The following OTOA variants were observed in gnomAD, a reference collection of about 807,000 sequenced individuals.
The protein encoded by OTOA is otoancorin.
Under a neutral mutation model 110.8 loss-of-function variants are expected in OTOA, and 70 were observed. The observed-to-expected ratio is 0.63, with a 90% CI of 0.52 to 0.77. OTOA has a LOEUF of 0.77. Ranked by LOEUF, OTOA falls within the 30% of genes least tolerant of loss-of-function variation. The probability of loss-of-function intolerance (pLI) is 0.00; values close to 1 mark genes in which losing one functional copy is unlikely to be tolerated. For synonymous variants in OTOA, 373 were observed against 431.5 expected, an observed-to-expected ratio of 0.86 and a Z score of 1.68; for missense variants, 917 against 1,075.8, an observed-to-expected ratio of 0.85 and a Z score of 2.06.
intron 6 of OTOA, chr16:21,684,416 A>C: frequency 6.6e-7 from 1 of 1,516,744 alleles, no homozygotes; most frequent in Non-Finnish European, 8.9e-7. Context: ...GGGGCGCCAC[A>C]GAGTATGTTC....
chr16:21,665,581 T>C lies in OTOA; in HGVS notation c.-5+1349T>C, dbSNP rs566605549. On this transcript the variant is annotated intron_variant, in intron 1 of 28. Coordinates refer to ENST00000646100, the MANE Select transcript of OTOA (RefSeq NM_144672.4). ...GAGTACGGTAACCCTTCAAGGCTGG[T>C]GGAAAGAGTAAATGGCAGGGAGGAG... Among the ~76,000 whole-genome samples the C allele has an allele frequency of 1.1e-4, 16 of 152,172 alleles. No individual in the cohort carries two copies. The East Asian group carries it at 2.5e-3, about 24-fold the overall frequency.
intron 21 of OTOA, among the ~76,000 whole-genome samples, chr16:21,731,483 C>T (rs112379058): frequency 6.6e-6 from 1 of 152,216 alleles, no homozygotes; most frequent in Admixed American, 6.5e-5. Context: ...CGCATATGTT[C>T]CTTGCTGCCT....
chr16:21,697,687 C>T, intron 9 of OTOA, 88 bp from the exon 10 acceptor site: 2 of 1,210,286 alleles, frequency 1.7e-6, no homozygotes, highest in African/African-American at 1.5e-5. Flanking sequence ...TAGGTCTTGA[C>T]AGCAAAGATG....
At chr16:21,692,613 G>T (rs1192500402) in intron 9 of OTOA, among the ~76,000 whole-genome samples, 1 of 151,792 alleles carries the variant, frequency 6.6e-6, no homozygotes, top group Non-Finnish European at 1.5e-5. Flanking sequence ...ACTTACTCCC[G>T]CTCAACTCTA....
At chr16:21,695,891 A>ATATATATATATTTTTTT (rs569493650) in intron 9 of OTOA, among the ~76,000 whole-genome samples, 4 of 41,904 alleles carry the variant, frequency 9.5e-5, no homozygotes, top group East Asian at 5.9e-4. Flanking sequence ...ATATATATAT[A>ATATATATATATTTTTTT]TTTTTTTTTT....
At chr16:21,685,439 T>C in intron 7 of OTOA, 78 bp downstream of exon 7, 1 of 1,577,832 alleles carries the variant, frequency 6.3e-7, no homozygotes. Flanking sequence ...AAATGGAGCC[T>C]GACTTAGGCC....
chr16:21,708,862 A>C (rs1445659126), intron 12 of OTOA, among the ~76,000 whole-genome samples: 1 of 152,198 alleles, frequency 6.6e-6, no homozygotes, highest in Non-Finnish European at 1.5e-5. Flanking sequence ...TTCCTTACCG[A>C]AAGCAGCTGT....
At chr16:21,738,907 T>C (rs1355384328) in intron 22 of OTOA, among the ~76,000 whole-genome samples, 1 of 150,936 alleles carries the variant, frequency 6.6e-6, no homozygotes, top group East Asian at 2.0e-4. Flanking sequence ...AGTTAGTAAA[T>C]GGCAGTTCTT....
At chr16:21,750,065 A>G (rs1899780849) in intron 24 of OTOA, among the ~76,000 whole-genome samples, 1 of 152,300 alleles carries the variant, frequency 6.6e-6, no homozygotes, top group Admixed American at 6.5e-5. Flanking sequence ...AAAATGAATC[A>G]GCACATGTTT....
intron 22 of OTOA, among the ~76,000 whole-genome samples, chr16:21,736,653 A>C (rs1224812913): frequency 6.6e-6 from 1 of 152,184 alleles, no homozygotes; most frequent in Non-Finnish European, 1.5e-5. Context: ...CAACATGGCG[A>C]AACCCTGTCT....
At chr16:21,691,745 GT>G in intron 9 of OTOA, 58 bp downstream of exon 9, 1 of 1,413,452 alleles carries the variant, frequency 7.1e-7, no homozygotes, top group Non-Finnish European at 1.0e-6. Context: ...TTCAGAAGAG[GT>G]GTTTCATCTC....
intron 7 of OTOA, among the ~76,000 whole-genome samples, chr16:21,686,015 G>T (rs1324292528): frequency 6.6e-6 from 1 of 151,978 alleles, no homozygotes; most frequent in African/African-American, 2.4e-5. Flanking sequence ...CTGGAGGGGA[G>T]ACAAAAAACA....
At chr16:21,731,495 A>C (rs1449605446) in intron 21 of OTOA, among the ~76,000 whole-genome samples, 1 of 152,194 alleles carries the variant, frequency 6.6e-6, no homozygotes, top group African/African-American at 2.4e-5. Flanking sequence ...TTGCTGCCTG[A>C]TTTGTGGGTC....
intron 21 of OTOA, 94 bp downstream of exon 21, chr16:21,731,024 G>C: frequency 1.4e-6 from 1 of 713,994 alleles, no homozygotes; most frequent in Non-Finnish European, 2.5e-6. Context: ...TGCTGTCTAT[G>C]GTTCTGGAAG....
At chr16:21,667,425 C>G (rs1001406238) in intron 1 of OTOA, among the ~76,000 whole-genome samples, 3 of 151,938 alleles carry the variant, frequency 2.0e-5, no homozygotes, top group Non-Finnish European at 2.9e-5. Context: ...GAGGCCGAGG[C>G]GGGCAGATCA....
chr16:21,691,943 T>C (rs1897838763), intron 9 of OTOA, among the ~76,000 whole-genome samples: 1 of 152,204 alleles, frequency 6.6e-6, no homozygotes, highest in East Asian at 1.9e-4. Context: ...AGTTTTTCAG[T>C]GGAATATAAA....
chr16:21,710,078 C>T lies in OTOA; in HGVS notation c.1295C>T (p.Ser432Phe). The T allele has an allele frequency of 6.2e-7, 1 of 1,613,596 alleles. No homozygotes were observed. The highest frequency in any genetic ancestry group is 8.5e-7 in the Non-Finnish European group (1 of 1,179,830). Residue 432 changes from serine to phenylalanine, a missense_variant, in exon 13 of 29, where the codon TCT becomes TTT. This residue lies in a region of OTOA where 840 missense variants were observed against 910.2 expected (regional missense o/e 0.92). Coordinates refer to ENST00000646100, the MANE Select transcript of OTOA (RefSeq NM_144672.4). ...GCCAAGAGCCAGGTCATCATCTTGT[C>T]TGCCAAATACTTGGCCCATGAGAAG... ...GWAKSQVIILSAKYLAHEKVL... is the reference protein window; with the variant it reads ...GWAKSQVIILFAKYLAHEKVL...
Position 21,678,472 on chromosome 16 carries a change from A to G in OTOA, c.-4-39A>G, listed in dbSNP as rs779696569. ...TGTGTGTGTATATATATATATATTAAAAAAACATGAATCACTTCTATGCTT... is the reference window on the plus strand; with the variant it reads ...TGTGTGTGTATATATATATATATTAGAAAAACATGAATCACTTCTATGCTT... On this transcript the variant is annotated intron_variant, in intron 1 of 28. Coordinates refer to ENST00000646100, the MANE Select transcript of OTOA (RefSeq NM_144672.4). The G allele has an allele frequency of 3.7e-6, 5 of 1,349,156 alleles. No homozygotes were observed. In the African/African-American group the frequency reaches 5.9e-5, roughly 16 times the overall value. 83.6% of individuals were successfully genotyped at this position (1,349,156 alleles called of 1,614,324 possible).
chr16:21,755,523 A>T lies in OTOA; in HGVS notation c.3154-1559A>T, dbSNP rs1368534208. On this transcript the variant is annotated intron_variant, in intron 27 of 28. Transcript: ENST00000646100. ...AGGAGAGGAGGTGATGCTGAATTTT[A>T]ATTTTTTTGAGACAAAGTCTCACTC... Among the ~76,000 whole-genome samples the T allele has an allele frequency of 7.0e-5, 7 of 100,302 alleles. No homozygotes were observed. In the East Asian group the frequency reaches 1.9e-3, roughly 27 times the overall value. The allele number at this position is 100,302 out of a possible 152,430, so 65.8% of individuals were successfully genotyped here.
Sources: allele counts gnomAD v4.1 joint callset (sites outside exome capture counted in the v4.1 genomes callset), GRCh38; gene constraint gnomAD v4.1.1; regional missense constraint gnomAD v4.1.1; transcripts MANE v1.5; gene names NCBI Gene and HGNC (gene_info 2026-07-23, HGNC 2026-07-21).